The following CFH variants were observed in gnomAD, a reference collection of about 807,000 sequenced individuals.
CFH encodes H factor 1 (complement).
CFH carries 53 observed loss-of-function variants against 147.3 expected under a neutral mutation model. That is an observed-to-expected ratio of 0.36 (90% CI 0.29 to 0.45). The LOEUF is 0.45. CFH is among the 20% of genes least tolerant of loss of function. The pLI is 1.00. For missense variants in CFH, 1,380 were observed against 1,498.0 expected (o/e 0.92, Z 1.30); for synonymous variants, 536 against 489.4 (o/e 1.10, Z -1.26).
Position 196,673,981 on chromosome 1 carries a change from A to T in CFH, c.350+19A>T. 1 of 1,504,862 alleles carries T rather than the reference A, an allele frequency of 6.6e-7. No homozygotes were observed. The highest frequency in any genetic ancestry group is 9.3e-7 in the Non-Finnish European group (1 of 1,080,694). 93.2% of individuals were successfully genotyped at this position (1,504,862 alleles called of 1,614,324 possible). A position where few individuals can be genotyped will look rare whatever the true frequency, so the allele number is the denominator to read the frequency against. On this transcript the variant is annotated intron_variant, in intron 3 of 21. Transcript: ENST00000367429. ...ATGAGGGGTATGTAGTCCATACGAA[A>T]AGAGGTTTATAATTAAGATAGTAAA... is the stretch of plus-strand genomic sequence containing the variant.
At chr1:196,674,189 A>G (rs2149078441) in intron 3 of CFH, among the ~76,000 whole-genome samples, 1 of 152,318 alleles carries the variant, frequency 6.6e-6, no homozygotes, top group Non-Finnish European at 1.5e-5. Context: ...GAGTATAATT[A>G]TGGGAGAGTG....
intron 9 of CFH, among the ~76,000 whole-genome samples, chr1:196,694,994 A>G (rs1374910426): frequency 6.6e-6 from 1 of 152,142 alleles, no homozygotes; most frequent in Non-Finnish European, 1.5e-5. Context: ...GCTGTGCAGA[A>G]GCTCTTTAGT....
intron 1 of CFH, among the ~76,000 whole-genome samples, chr1:196,661,417 GA>G (rs1666900305): frequency 6.6e-6 from 1 of 152,102 alleles, no homozygotes; most frequent in African/African-American, 2.4e-5. Context: ...TAAACAACAG[GA>G]ATGTATTTCT....
chr1:196,696,564 G>A (rs1668279464), intron 9 of CFH, among the ~76,000 whole-genome samples: 1 of 151,922 alleles, frequency 6.6e-6, no homozygotes, highest in South Asian at 2.1e-4. Context: ...GAGCTTGATG[G>A]GGATGGCATT....
intron 1 of CFH, among the ~76,000 whole-genome samples, chr1:196,671,362 G>T (rs1388549963): frequency 6.6e-6 from 1 of 151,462 alleles, no homozygotes; most frequent in African/African-American, 2.4e-5. Context: ...ATTCAAAATC[G>T]TATTTTTAAA....
intron 14 of CFH, among the ~76,000 whole-genome samples, 187 bp downstream of exon 14, chr1:196,727,127 A>C (rs1254006930): frequency 6.6e-6 from 1 of 152,200 alleles, no homozygotes; most frequent in Non-Finnish European, 1.5e-5. Flanking sequence ...TAAAGCTAGT[A>C]ATATAATTTT....
At chr1:196,738,157 C>G (rs1052222444) in intron 17 of CFH, among the ~76,000 whole-genome samples, 1 of 152,052 alleles carries the variant, frequency 6.6e-6, no homozygotes, top group Non-Finnish European at 1.5e-5. Context: ...GATAACTGCC[C>G]CCATTATTCA....
intron 16 of CFH, 77 bp downstream of exon 16, chr1:196,737,083 G>C: frequency 7.8e-7 from 1 of 1,278,738 alleles, no homozygotes; most frequent in African/African-American, 1.5e-5. Context: ...GTAAACAAGA[G>C]AGAAGTTCTT....
At chr1:196,668,280 T>C (rs1288917287) in intron 1 of CFH, among the ~76,000 whole-genome samples, 1 of 152,218 alleles carries the variant, frequency 6.6e-6, no homozygotes, top group Non-Finnish European at 1.5e-5. Context: ...TTTTGTTTGC[T>C]TAAGAATGTG....
chr1:196,704,329 A>C (rs1668534962), intron 9 of CFH, among the ~76,000 whole-genome samples: 1 of 152,086 alleles, frequency 6.6e-6, no homozygotes, highest in South Asian at 2.1e-4. Flanking sequence ...TCCTGACATG[A>C]GGTAATCTGC....
At chr1:196,720,025 A>G (rs547168628) in intron 11 of CFH, among the ~76,000 whole-genome samples, 119 of 151,910 alleles carry the variant, frequency 7.8e-4, no homozygotes, top group South Asian at 1.5e-3. Context: ...CTTAGTGCAT[A>G]TATCTTCACT....
chr1:196,715,555 G>A, intron 10 of CFH, 38 bp from the exon 11 acceptor site: 5 of 1,474,334 alleles, frequency 3.4e-6, no homozygotes, highest in Non-Finnish European at 4.7e-6. Context: ...TTTATTAGAT[G>A]ACATTAGAAA....
chr1:196,665,886 C>A (rs1178038217), intron 1 of CFH, among the ~76,000 whole-genome samples: 1 of 152,158 alleles, frequency 6.6e-6, no homozygotes, highest in Non-Finnish European at 1.5e-5. Context: ...GGAATATAGG[C>A]GTGAGCCACC....
chr1:196,679,975 C>T (rs1667594104), intron 6 of CFH, among the ~76,000 whole-genome samples, 182 bp downstream of exon 6: 1 of 151,796 alleles, frequency 6.6e-6, no homozygotes, highest in Non-Finnish European at 1.5e-5. Context: ...GTACGATACA[C>T]ACACTCTGAA....
intron 13 of CFH, 47 bp from the exon 14 acceptor site, chr1:196,726,714 C>A (rs777181319): frequency 1.2e-6 from 2 of 1,603,128 alleles, no homozygotes; most frequent in Non-Finnish European, 1.7e-6. Context: ...ATCTAAAACA[C>A]ATACATCATG....
intron 9 of CFH, among the ~76,000 whole-genome samples, chr1:196,700,608 C>T (rs1267170203): frequency 1.4e-5 from 2 of 147,662 alleles, no homozygotes; most frequent in East Asian, 4.0e-4. Flanking sequence ...GAGCCAAGAT[C>T]GTGCCACTGC....
intron 9 of CFH, chr1:196,701,316 A>G: frequency 6.2e-7 from 1 of 1,613,756 alleles, no homozygotes; most frequent in Non-Finnish European, 8.5e-7. Flanking sequence ...AATCTTTCCC[A>G]GGCTTTACCC....
At chr1:196,657,168 C>A (rs1004690203) in intron 1 of CFH, among the ~76,000 whole-genome samples, 1 of 151,904 alleles carries the variant, frequency 6.6e-6, no homozygotes, top group Non-Finnish European at 1.5e-5. Flanking sequence ...TCTCAAATGC[C>A]TATTAAGTGT....
chr1:196,689,356 C>T, intron 7 of CFH, 64 bp from the exon 8 acceptor site: 1 of 1,401,632 alleles, frequency 7.1e-7, no homozygotes, highest in Non-Finnish European at 9.9e-7. Flanking sequence ...AAAAATTTAT[C>T]TCTAATATGA....
Sources: allele counts gnomAD v4.1 joint callset (sites outside exome capture counted in the v4.1 genomes callset), GRCh38; gene constraint gnomAD v4.1.1; transcripts MANE v1.5; gene names NCBI Gene and HGNC (gene_info 2026-07-23, HGNC 2026-07-21).